Variants in ADAMTS6 observed in about 807,000 individuals in gnomAD.
The protein encoded by ADAMTS6 is ADAM metallopeptidase with thrombospondin type 1 motif 6.
Under a neutral mutation model 144.3 loss-of-function variants are expected in ADAMTS6, and 23 were observed. That is an observed-to-expected ratio of 0.16 (90% CI 0.11 to 0.23). The LOEUF (loss-of-function observed/expected upper bound fraction) is 0.23. ADAMTS6 is among the 10% of genes least tolerant of loss of function. The pLI, the probability that ADAMTS6 is intolerant of heterozygous loss-of-function variation, is 1.00. For missense variants in ADAMTS6, 999 were observed against 1,379.6 expected (o/e 0.72, Z 4.37); for synonymous variants, 444 against 457.5 (o/e 0.97, Z 0.38).
chr5:65,426,682 G>T (rs1457804337), intron 7 of ADAMTS6, among the ~76,000 whole-genome samples: 1 of 151,928 alleles, frequency 6.6e-6, no homozygotes, highest in Non-Finnish European at 1.5e-5. Context: ...AAATTACCCA[G>T]ACTGCTGCAT....
chr5:65,342,985 T>C (rs1446600667), intron 7 of ADAMTS6, among the ~76,000 whole-genome samples: 3 of 152,024 alleles, frequency 2.0e-5, no homozygotes, highest in African/African-American at 7.2e-5. Flanking sequence ...GGAATAAATT[T>C]AACCGAGGAG....
At chr5:65,308,117 C>G (rs1383252491) in intron 9 of ADAMTS6, among the ~76,000 whole-genome samples, 1 of 152,286 alleles carries the variant, frequency 6.6e-6, no homozygotes, top group Middle Eastern at 3.4e-3. Context: ...TTTAACTAGA[C>G]CCCTGTTGGT....
chr5:65,452,087 A>AGCCTTCTG (rs1758786167), intron 6 of ADAMTS6, 46 bp downstream of exon 6: 1 of 1,373,216 alleles, frequency 7.3e-7, no homozygotes, highest in East Asian at 2.3e-5. Flanking sequence ...ATAGCTCTAT[A>AGCCTTCTG]GCCTTCTGTT....
At chr5:65,212,299 C>A (rs1383877003) in intron 20 of ADAMTS6, among the ~76,000 whole-genome samples, 1 of 152,062 alleles carries the variant, frequency 6.6e-6, no homozygotes, top group Non-Finnish European at 1.5e-5. Context: ...TAATCACCCA[C>A]AACCAACCCT....
At chr5:65,283,149 G>T (rs995693064) in intron 11 of ADAMTS6, among the ~76,000 whole-genome samples, 11 of 151,984 alleles carry the variant, frequency 7.2e-5, no homozygotes, top group African/African-American at 2.7e-4. Context: ...GGTCAGGAAG[G>T]GGCATCAGTG....
At chr5:65,370,117 G>A (rs1750710392) in intron 7 of ADAMTS6, among the ~76,000 whole-genome samples, 2 of 152,046 alleles carry the variant, frequency 1.3e-5, no homozygotes, top group African/African-American at 4.8e-5. Context: ...CATTTAGAAA[G>A]AAATAAAAGC....
chr5:65,255,529 T>C (rs1760571933), intron 14 of ADAMTS6, among the ~76,000 whole-genome samples: 1 of 152,192 alleles, frequency 6.6e-6, no homozygotes, highest in Non-Finnish European at 1.5e-5. Flanking sequence ...AAAAATTTGC[T>C]GAGGAGCAGG....
intron 20 of ADAMTS6, among the ~76,000 whole-genome samples, chr5:65,211,550 C>T (rs1580070060): frequency 6.6e-6 from 1 of 151,318 alleles, no homozygotes; most frequent in Non-Finnish European, 1.5e-5. Flanking sequence ...TGCAGTGAGC[C>T]GAGATCACAC....
chr5:65,356,668 T>C (rs13436243), intron 7 of ADAMTS6, among the ~76,000 whole-genome samples: 41,584 of 151,718 alleles, frequency 0.27, 6,595 homozygotes, highest in South Asian at 0.41. Context: ...CCCCTCTGCG[T>C]ATGTCTCTTC....
intron 18 of ADAMTS6, among the ~76,000 whole-genome samples, chr5:65,218,238 A>G (rs1165132026): frequency 6.6e-6 from 1 of 152,220 alleles, no homozygotes; most frequent in African/African-American, 2.4e-5. Flanking sequence ...TAGAGACCCA[A>G]GAAGAATCAT....
chr5:65,456,195 T>C (rs183202654), intron 4 of ADAMTS6, among the ~76,000 whole-genome samples: 68 of 152,258 alleles, frequency 4.5e-4, no homozygotes, highest in African/African-American at 1.4e-3. Flanking sequence ...GATCTGTAAC[T>C]ACTATCTTTC....
intron 1 of ADAMTS6, among the ~76,000 whole-genome samples, chr5:65,476,905 G>T (rs967611024): frequency 6.6e-6 from 1 of 152,110 alleles, no homozygotes; most frequent in African/African-American, 2.4e-5. Context: ...GAGCCACTGC[G>T]CCCAGTCGAT....
At position 65,384,670 on chromosome 5, in the gene ADAMTS6, C is replaced by A. The variant is rs550218599; in HGVS notation, c.1074-50585G>T. 8.5e-5 allele frequency among the ~76,000 whole-genome samples: 13 copies of A among 152,282 alleles called. No individual in the cohort carries two copies. In the East Asian group the frequency reaches 2.1e-3, roughly 25 times the overall value. ...CTCTCCTCTTCTCCTGAGCACTTGC[C>A]AGAATTGTCCTTAAGCCTCCTTTCA... On this transcript the variant is annotated intron_variant, in intron 7 of 24. Coordinates refer to ENST00000381055, the MANE Select transcript of ADAMTS6 (RefSeq NM_197941.4).
chr5:65,231,755 G>A (rs755429743), intron 15 of ADAMTS6, among the ~76,000 whole-genome samples: 1 of 152,078 alleles, frequency 6.6e-6, no homozygotes, highest in Non-Finnish European at 1.5e-5. Context: ...GGAAATTAAA[G>A]AACATGCTCC....
chr5:65,468,145 G>A (rs976692423), intron 3 of ADAMTS6, among the ~76,000 whole-genome samples: 20 of 152,102 alleles, frequency 1.3e-4, no homozygotes, highest in African/African-American at 4.8e-4. Context: ...AGACTATAAT[G>A]TTAGGAATTT....
At chr5:65,438,148 T>C (rs549384061) in intron 7 of ADAMTS6, among the ~76,000 whole-genome samples, 1 of 152,322 alleles carries the variant, frequency 6.6e-6, no homozygotes, top group Non-Finnish European at 1.5e-5. Flanking sequence ...TTTCCCAAGG[T>C]TTTATTCATT....
At chr5:65,245,629 C>T (rs1000296056) in intron 14 of ADAMTS6, among the ~76,000 whole-genome samples, 1 of 152,112 alleles carries the variant, frequency 6.6e-6, no homozygotes, top group East Asian at 1.9e-4. Flanking sequence ...TCATCATCAT[C>T]ATGAACTACT....
chr5:65,377,041 A>G (rs1032549653), intron 7 of ADAMTS6, among the ~76,000 whole-genome samples: 2 of 152,164 alleles, frequency 1.3e-5, no homozygotes, highest in Non-Finnish European at 2.9e-5. Flanking sequence ...ACTCAACAAG[A>G]AAAACAGATT....
At chr5:65,210,450 C>CG (rs1756438990) in intron 20 of ADAMTS6, 1 of 103,684 alleles carries the variant, frequency 9.6e-6, no homozygotes, top group African/African-American at 4.5e-5. Flanking sequence ...AACTCCGTCT[C>CG]AAAAAAAAAA....
Sources: allele counts gnomAD v4.1 joint callset (sites outside exome capture counted in the v4.1 genomes callset), GRCh38; gene constraint gnomAD v4.1.1; transcripts MANE v1.5; gene names NCBI Gene and HGNC (gene_info 2026-07-23, HGNC 2026-07-21).